Variants in COL3A1 observed in about 807,000 individuals in gnomAD.
COL3A1 encodes the protein collagen alpha-1(III) chain.
Under a neutral mutation model 200.9 loss-of-function variants are expected in COL3A1, and 46 were observed. The observed-to-expected ratio is 0.23, with a 90% CI of 0.18 to 0.29. COL3A1 has a LOEUF of 0.29. Among genes scored for constraint, COL3A1 ranks in the 10% least tolerant of loss-of-function variants. COL3A1 has a pLI of 1.00. For missense variants in COL3A1, 1,367 were observed against 1,917.6 expected (o/e 0.71, Z 5.36); for synonymous variants, 650 against 628.0 (o/e 1.03, Z -0.52).
intron 49 of COL3A1, 94 bp from the exon 50 acceptor site, chr2:189,010,554 C>A: frequency 6.5e-7 from 1 of 1,529,246 alleles, no homozygotes; most frequent in Non-Finnish European, 9.0e-7. Flanking sequence ...ATATAAACAG[C>A]CCATATTACA....
chr2:189,002,102 G>A (rs1010604260), intron 34 of COL3A1, among the ~76,000 whole-genome samples, 196 bp from the exon 35 acceptor site: 1 of 152,052 alleles, frequency 6.6e-6, no homozygotes, highest in Non-Finnish European at 1.5e-5. Context: ...ACAGTAGGAG[G>A]CAGAAGGAAT....
chr2:188,985,070 G>C, intron 2 of COL3A1, 108 bp downstream of exon 2: 1 of 1,398,898 alleles, frequency 7.1e-7, no homozygotes, highest in Middle Eastern at 1.8e-4. Flanking sequence ...TCATCAAATA[G>C]CCATGTTTGT....
chr2:188,997,250 T>C (rs779732417), intron 25 of COL3A1, 32 bp downstream of exon 25: 3 of 1,613,670 alleles, frequency 1.9e-6, no homozygotes, highest in Non-Finnish European at 2.5e-6. Flanking sequence ...ATTTCTAGCC[T>C]TCTAATAGAT....
chr2:188,994,708 C>CT lies in COL3A1; in HGVS notation c.1348-4dup, dbSNP rs758567906. 68,558 of 1,017,446 alleles carry CT rather than the reference C, an allele frequency of 0.067. 13 individuals carry two copies. Among genetic ancestry groups the CT allele is most frequent in the South Asian group, 0.081 (3,799 of 46,908 alleles). 63.0% of individuals were successfully genotyped at this position (1,017,446 alleles called of 1,614,324 possible). ...AGTCATAATTTCTTTATTTTACCAT[C>CT]TTTTTTTTTTTTCAGGGTGAGGCTG... On this transcript the variant is annotated splice_polypyrimidine_tract_variant and intron_variant, in intron 19 of 50. Coordinates refer to ENST00000304636, the MANE Select transcript of COL3A1 (RefSeq NM_000090.4). The surrounding 1 kb of genome is among the most constrained non-coding windows in gnomAD (Gnocchi z 4.5).
chr2:189,006,848 A>G (rs771114324), intron 43 of COL3A1, 89 bp from the exon 44 acceptor site: 2 of 1,294,496 alleles, frequency 1.5e-6, no homozygotes, highest in Non-Finnish European at 2.2e-6. Context: ...TTCTATTATA[A>G]TGAAATTATT....
chr2:188,993,095 G>A (rs1319038397), intron 15 of COL3A1, among the ~76,000 whole-genome samples, 155 bp downstream of exon 15: 4 of 152,064 alleles, frequency 2.6e-5, no homozygotes, highest in African/African-American at 9.7e-5. Context: ...TAAAAGAGGT[G>A]TTGTCCCTAG....
At chr2:188,986,958 T>C (rs947404058) in intron 4 of COL3A1, 101 bp from the exon 5 acceptor site, 1 of 998,970 alleles carries the variant, frequency 1.0e-6, no homozygotes, top group Admixed American at 1.8e-5. Context: ...CACAAAAACC[T>C]ATCAGTAGAC....
intron 48 of COL3A1, among the ~76,000 whole-genome samples, chr2:189,009,681 G>C (rs1688676688): frequency 6.6e-6 from 1 of 152,052 alleles, no homozygotes; most frequent in African/African-American, 2.4e-5. Flanking sequence ...CATATATTGG[G>C]TTAAATATTT....
At chr2:189,002,783 A>G (rs560826893) in intron 35 of COL3A1, among the ~76,000 whole-genome samples, 172 bp from the exon 36 acceptor site, 1 of 152,352 alleles carries the variant, frequency 6.6e-6, no homozygotes, top group East Asian at 1.9e-4. Flanking sequence ...TTCTTTGATC[A>G]TGAAAATATT....
chr2:189,004,032 C>T lies in COL3A1; in HGVS notation c.2712C>T (p.Pro904=), dbSNP rs375673185. Residue 904 remains proline (P), a synonymous_variant, in exon 39 of 51, where the codon CCC becomes CCT. Transcript: ENST00000304636. Reference sequence around the variant, plus strand: ...GCGGTTCTCCAGGCAAGGATGGGCCCCCAGGTCCTGCGGGTAACACTGGTG... The same window carrying T: ...GCGGTTCTCCAGGCAAGGATGGGCCTCCAGGTCCTGCGGGTAACACTGGTG... ...GPSGSPGKDG[P]PGPAGNTGAP... 5.1e-5 allele frequency: 83 copies of T among 1,612,908 alleles called. No homozygotes were observed. Among genetic ancestry groups the T allele is most frequent in the Admixed American group, 6.7e-5 (4 of 59,966 alleles).
At chr2:188,985,583 A>G in intron 3 of COL3A1, 82 bp from the exon 4 acceptor site, 1 of 866,492 alleles carries the variant, frequency 1.2e-6, no homozygotes. Context: ...CTAATATTAT[A>G]AAGTAGAGAA....
chr2:188,982,710 A>G (rs545081170), intron 1 of COL3A1, among the ~76,000 whole-genome samples: 1 of 151,990 alleles, frequency 6.6e-6, no homozygotes, highest in Admixed American at 6.6e-5. Context: ...AATACACATT[A>G]TTAATGGGAA....
rs1688259370 is a variant in COL3A1 at position 188,994,558 on chromosome 2, T to C, written c.1311T>C (p.Asn437=). The change falls in exon 19 of 51, where the codon AAT becomes AAC. Residue 437 remains asparagine, a synonymous_variant. Coordinates refer to ENST00000304636, the MANE Select transcript of COL3A1 (RefSeq NM_000090.4). The surrounding 1 kb of genome is among the most constrained non-coding windows in gnomAD (Gnocchi z 4.5). ...LRGGAGEPGK[N]GAKGEPGPRG... ...TACTTTAGGGTGAGCCTGGTAAGAA[T>C]GGTGCCAAAGGAGAGCCCGGACCAC... 3.1e-6 allele frequency: 5 copies of C among 1,614,076 alleles called. No homozygotes were observed. The highest frequency in any genetic ancestry group is 4.2e-6 in the Non-Finnish European group (5 of 1,180,050).
chr2:189,008,843 C>A, intron 47 of COL3A1, 81 bp from the exon 48 acceptor site: 1 of 1,405,560 alleles, frequency 7.1e-7, no homozygotes, highest in Non-Finnish European at 1.0e-6. Context: ...ATTTTTAAGG[C>A]ATTTTCTTGG....
At chr2:189,006,855 T>G in intron 43 of COL3A1, 82 bp from the exon 44 acceptor site, 7 of 1,336,950 alleles carry the variant, frequency 5.2e-6, no homozygotes, top group Non-Finnish European at 6.4e-6. Context: ...ATAATGAAAT[T>G]ATTTACTTTT....
rs1687834896 is a variant in COL3A1 at position 188,977,032 on chromosome 2, A to G, written c.79+2464A>G. ...TATGTTACGGATAAATATTGCAAAC[A>G]CATATACTGACACGAAAACACAATG... is the stretch of plus-strand genomic sequence containing the variant. On this transcript the variant is annotated intron_variant, in intron 1 of 50. Transcript: ENST00000304636. Among the ~76,000 whole-genome samples, 3 of 152,276 alleles carry G rather than the reference A, an allele frequency of 2.0e-5. No homozygotes were observed. The South Asian group carries it at 6.2e-4, about 32-fold the overall frequency.
At position 189,008,059 on chromosome 2, in the gene COL3A1, C is replaced by A. The variant is rs1287518692; in HGVS notation, c.3442C>A (p.Pro1148Thr). The A allele has an allele frequency of 6.2e-7, 1 of 1,614,098 alleles. No homozygotes were observed. Residue 1148 changes from proline (P) to threonine (T), a missense_variant, in exon 47 of 51, where the codon CCT (proline) becomes ACT (threonine). Pro to Thr is a conservative substitution (Grantham distance 38). Transcript: ENST00000304636. ...GGGACCTGTTGGACCCAGTGGACCT[C>A]CTGGCAAAGATGGAACCAGTGGACA... ...PRGPVGPSGP[P>T]GKDGTSGHPG...
intron 47 of COL3A1, 101 bp from the exon 48 acceptor site, chr2:189,008,823 T>C (rs1055671385): frequency 6.2e-5 from 79 of 1,279,182 alleles, no homozygotes; most frequent in Non-Finnish European, 5.7e-5. Context: ...GATGACACAA[T>C]GAATGAATTA....
At chr2:189,002,656 A>G (rs764109455) in intron 35 of COL3A1, among the ~76,000 whole-genome samples, 16 of 152,168 alleles carry the variant, frequency 1.1e-4, no homozygotes, top group Non-Finnish European at 2.2e-4. Context: ...ATTTTCTCTT[A>G]AATCCGGTCT....
Sources: allele counts gnomAD v4.1 joint callset (sites outside exome capture counted in the v4.1 genomes callset), GRCh38; gene constraint gnomAD v4.1.1; non-coding constraint Gnocchi (gnomAD v3.1); transcripts MANE v1.5; gene names NCBI Gene and HGNC (gene_info 2026-07-23, HGNC 2026-07-21).